CR1: variants seen among roughly 807,000 people sequenced by gnomAD.
The protein encoded by CR1 is complement C3b/C4b receptor 1 (Knops blood group).
A neutral mutation model predicts 187.3 loss-of-function variants in CR1; 116 were observed. The ratio of observed to expected loss-of-function variants is 0.62; its 90% confidence interval spans 0.53 to 0.72. The LOEUF is 0.72. CR1 is among the 30% of genes least tolerant of loss of function. The probability of loss-of-function intolerance (pLI) is 0.00; values close to 1 mark genes in which losing one functional copy is unlikely to be tolerated. For missense variants in CR1, 1,731 were observed against 2,110.7 expected (o/e 0.82, Z 3.52); for synonymous variants, 576 against 747.1 (o/e 0.77, Z 3.73).
intron 24 of CR1, among the ~76,000 whole-genome samples, chr1:207,566,310 C>T (rs1421149758): frequency 6.7e-6 from 1 of 149,882 alleles, no homozygotes; most frequent in African/African-American, 2.5e-5. Flanking sequence ...TTTCCTTCCT[C>T]CCTTCTTTCT....
intron 45 of CR1, among the ~76,000 whole-genome samples, chr1:207,629,605 G>T (rs1662583417): frequency 6.6e-6 from 1 of 152,206 alleles, no homozygotes; most frequent in Non-Finnish European, 1.5e-5. Flanking sequence ...AGATGGTAAA[G>T]AATAACTGAG....
intron 35 of CR1, among the ~76,000 whole-genome samples, chr1:207,595,519 G>A (rs1661404394): frequency 6.6e-6 from 1 of 152,064 alleles, no homozygotes; most frequent in Non-Finnish European, 1.5e-5. Flanking sequence ...TTAGCACCAA[G>A]CTTCCGTTCT....
At chr1:207,619,036 CAAAAAAA>C (rs71727231) in intron 42 of CR1, among the ~76,000 whole-genome samples, 2 of 38,486 alleles carry the variant, frequency 5.2e-5, no homozygotes, top group South Asian at 2.2e-3. Context: ...GACTCCGTCT[CAAAAAAA>C]AAAAAAAAAA....
chr1:207,626,014 C>A (rs1162987153), intron 45 of CR1, among the ~76,000 whole-genome samples: 1 of 152,140 alleles, frequency 6.6e-6, no homozygotes, highest in Non-Finnish European at 1.5e-5. Flanking sequence ...GTTTCAGGTC[C>A]TGAGCAAGGA....
intron 4 of CR1, among the ~76,000 whole-genome samples, chr1:207,522,499 A>G (rs774214157): frequency 1.3e-5 from 2 of 152,180 alleles, no homozygotes; most frequent in Non-Finnish European, 2.9e-5. Context: ...CCCCGTCCTG[A>G]TTCAGCTGCC....
At chr1:207,507,515 A>T (rs1659477700) in intron 3 of CR1, 3 of 152,264 alleles carry the variant, frequency 2.0e-5, no homozygotes, top group Admixed American at 2.0e-4. Flanking sequence ...TAAGGACACC[A>T]ATCATAATGG....
chr1:207,591,063 G>A (rs941723802), intron 35 of CR1, among the ~76,000 whole-genome samples: 3 of 152,062 alleles, frequency 2.0e-5, no homozygotes, highest in African/African-American at 7.2e-5. Flanking sequence ...AAATTAACAA[G>A]GATATTCAGG....
chr1:207,573,485 G>A (rs1660641625), intron 27 of CR1, among the ~76,000 whole-genome samples: 1 of 151,940 alleles, frequency 6.6e-6, no homozygotes, highest in African/African-American at 2.4e-5. Context: ...TCTATGGCAT[G>A]AAGCAGAAAA....
Position 207,611,951 on chromosome 1 carries a change from A to T in CR1, c.6485A>T (p.Asp2162Val), listed in dbSNP as rs781594483. 9 of 1,613,838 alleles carry T rather than the reference A, an allele frequency of 5.6e-6. No individual in the cohort carries two copies. The South Asian group carries it at 9.9e-5, about 18-fold the overall frequency. Residue 2162 changes from aspartate to valine, a missense_variant, in exon 39 of 47, where the codon GAT (aspartate) becomes GTT (valine). Around this residue, in one of 5 missense-constraint regions of CR1, gnomAD observed 1,312 missense variants for 1,379.6 expected, o/e 0.95. Coordinates refer to ENST00000367049, the MANE Select transcript of CR1 (RefSeq NM_000651.6). Reference sequence around the variant, plus strand: ...TTTTTTCTTCTAGTGAAATCCTGTGATGACTTCCTGGGCCAACTCCCTCAT... The same window carrying T: ...TTTTTTCTTCTAGTGAAATCCTGTGTTGACTTCCTGGGCCAACTCCCTCAT... The part of the protein sequence containing the change: ...EAPRCTVKSC[D>V]DFLGQLPHGR...
At chr1:207,611,556 A>C in intron 37 of CR1, 121 bp from the exon 38 acceptor site, 1 of 1,422,806 alleles carries the variant, frequency 7.0e-7, no homozygotes, top group Non-Finnish European at 9.5e-7. Context: ...TGAACTACCA[A>C]TCTTCTCTTT....
chr1:207,592,958 GA>G (rs1245438754), intron 35 of CR1, among the ~76,000 whole-genome samples: 10 of 151,296 alleles, frequency 6.6e-5, no homozygotes, highest in South Asian at 2.1e-4. Flanking sequence ...ACAAACAAAT[GA>G]AAAAAACATT....
chr1:207,614,539 TC>T, intron 40 of CR1, 50 bp downstream of exon 40: 1 of 1,493,466 alleles, frequency 6.7e-7, no homozygotes, highest in Non-Finnish European at 9.3e-7. Flanking sequence ...ATTTTCGTTT[TC>T]CAGCATGTTT....
chr1:207,599,690 T>G (rs1265577935), intron 35 of CR1, among the ~76,000 whole-genome samples: 2 of 152,224 alleles, frequency 1.3e-5, no homozygotes, highest in Non-Finnish European at 2.9e-5. Flanking sequence ...GTGACCATGT[T>G]GTGATGTCAA....
chr1:207,502,536 C>T (rs917033658), intron 1 of CR1, among the ~76,000 whole-genome samples: 2 of 151,904 alleles, frequency 1.3e-5, no homozygotes, highest in Non-Finnish European at 2.9e-5. Context: ...ATGTCATAGA[C>T]GGGAAAAATG....
At chr1:207,628,476 T>A (rs1404852294) in intron 45 of CR1, among the ~76,000 whole-genome samples, 1 of 152,232 alleles carries the variant, frequency 6.6e-6, no homozygotes, top group Non-Finnish European at 1.5e-5. Flanking sequence ...TCTTCTTTGG[T>A]CCTCAAAGCA....
intron 35 of CR1, among the ~76,000 whole-genome samples, chr1:207,605,596 G>A (rs891557016): frequency 3.9e-5 from 6 of 152,020 alleles, no homozygotes; most frequent in African/African-American, 1.2e-4. Flanking sequence ...TAGTCACAGC[G>A]AGCACATCTA....
At chr1:207,631,941 C>A (rs1173213836) in intron 46 of CR1, among the ~76,000 whole-genome samples, 1 of 152,176 alleles carries the variant, frequency 6.6e-6, no homozygotes, top group Admixed American at 6.5e-5. Flanking sequence ...TGGCATGTTA[C>A]ACCTACATAC....
intron 1 of CR1, among the ~76,000 whole-genome samples, chr1:207,504,607 T>C (rs1659373256): frequency 6.6e-6 from 1 of 152,154 alleles, no homozygotes; most frequent in Non-Finnish European, 1.5e-5. Flanking sequence ...AAGAAAGAAT[T>C]ATACATGATG....
At chr1:207,614,543 G>A (rs2102391471) in intron 40 of CR1, 54 bp downstream of exon 40, 1 of 1,470,804 alleles carries the variant, frequency 6.8e-7, no homozygotes. Context: ...TCGTTTTCCA[G>A]CATGTTTTTC....
Sources: allele counts gnomAD v4.1 joint callset (sites outside exome capture counted in the v4.1 genomes callset), GRCh38; gene constraint gnomAD v4.1.1; regional missense constraint gnomAD v4.1.1; transcripts MANE v1.5; gene names NCBI Gene and HGNC (gene_info 2026-07-23, HGNC 2026-07-21).